DYNC2LI1: variants seen among roughly 807,000 people sequenced by gnomAD.
DYNC2LI1 encodes cytoplasmic dynein 2 light intermediate chain 1.
Under a neutral mutation model 51.9 loss-of-function variants are expected in DYNC2LI1, and 45 were observed. The ratio of observed to expected loss-of-function variants is 0.87; its 90% CI spans 0.68 to 1.11. DYNC2LI1 has a LOEUF of 1.11. Among genes scored for constraint, DYNC2LI1 ranks in the 50% most tolerant of loss-of-function variants. DYNC2LI1 has a pLI of 0.00. For missense variants in DYNC2LI1, 490 were observed against 417.4 expected (o/e 1.17, Z -1.51); for synonymous variants, 130 against 137.8 (o/e 0.94, Z 0.40).
In DYNC2LI1 at chr2:43,789,152, G is replaced by A. The variant is rs149710514; in HGVS notation, c.232-481G>A. Among the ~76,000 whole-genome samples, 352 of 152,274 alleles carry A rather than the reference G, an allele frequency of 2.3e-3. 1 individual carries two copies. The highest frequency in any genetic ancestry group is 8.1e-3 in the African/African-American group (336 of 41,556). ...GTAATCTTGATCCGCAGCCAGGATT[G>A]CCATTTGTTTGTCCCTTTTCTTCAT... On this transcript the variant is annotated intron_variant, in intron 4 of 12. Transcript: ENST00000260605.
At chr2:43,790,036 G>T (rs1007724967) in intron 5 of DYNC2LI1, among the ~76,000 whole-genome samples, 1 of 152,160 alleles carries the variant, frequency 6.6e-6, no homozygotes, top group Non-Finnish European at 1.5e-5. Context: ...AATTTGAAAA[G>T]CCTAATTCTT....
At chr2:43,791,970 G>C (rs1673814526) in intron 5 of DYNC2LI1, among the ~76,000 whole-genome samples, 1 of 151,916 alleles carries the variant, frequency 6.6e-6, no homozygotes, top group Non-Finnish European at 1.5e-5. Flanking sequence ...GAAAAAATTT[G>C]AGTAATTTAT....
intron 3 of DYNC2LI1, among the ~76,000 whole-genome samples, chr2:43,784,280 C>G (rs1302883219): frequency 1.3e-5 from 2 of 152,148 alleles, no homozygotes; most frequent in Non-Finnish European, 2.9e-5. Context: ...GAGGAACTAT[C>G]AACAGTAACA....
At chr2:43,810,127 G>A (rs545613360), downstream of DYNC2LI1, 122 of 359,716 alleles carry the variant, frequency 3.4e-4, no homozygotes, top group Non-Finnish European at 4.4e-4. Flanking sequence ...AAGTGCCCAC[G>A]TTAGACACAT....
intron 4 of DYNC2LI1, among the ~76,000 whole-genome samples, chr2:43,787,993 A>C (rs1673601825): frequency 6.6e-6 from 1 of 152,218 alleles, no homozygotes; most frequent in Non-Finnish European, 1.5e-5. Flanking sequence ...CACCAATGAA[A>C]GTGGGTTATT....
rs561560406 is a variant in DYNC2LI1 at position 43,798,667 on chromosome 2, C to G, written c.654+1872C>G. On this transcript the variant is annotated intron_variant, in intron 8 of 12. Coordinates refer to ENST00000260605, the MANE Select transcript of DYNC2LI1 (RefSeq NM_016008.4). ...TGGGATTAACCATGGCCCAGGAGAT[C>G]AAACAAGATCAGGGACCAGGGAATG... is the stretch of plus-strand genomic sequence containing the variant. Among the ~76,000 whole-genome samples, 140 of 152,298 alleles carry G rather than the reference C, an allele frequency of 9.2e-4. 1 individual carries two copies. Among genetic ancestry groups the G allele is most frequent in the African/African-American group, 3.2e-3 (133 of 41,564 alleles).
At chr2:43,823,965 G>T in the DYNC2LI1 span, 2 of 1,614,190 alleles carry the variant, frequency 1.2e-6, no homozygotes, top group Non-Finnish European at 1.7e-6. Flanking sequence ...CCACAAACTG[G>T]TAAAGGAGAC....
chr2:43,788,041 G>C (rs895900283), intron 4 of DYNC2LI1, among the ~76,000 whole-genome samples: 1 of 152,120 alleles, frequency 6.6e-6, no homozygotes, highest in Non-Finnish European at 1.5e-5. Flanking sequence ...AATATATAGA[G>C]ATACAGGAGA....
chr2:43,783,134 T>A (rs1180419153), intron 2 of DYNC2LI1, among the ~76,000 whole-genome samples: 1 of 152,234 alleles, frequency 6.6e-6, no homozygotes, highest in Non-Finnish European at 1.5e-5. Flanking sequence ...TTTTTCTTTA[T>A]TTCCACTTCA....
chr2:43,794,242 C>T, intron 5 of DYNC2LI1: 1 of 429,678 alleles, frequency 2.3e-6, no homozygotes, highest in Non-Finnish European at 4.1e-6. Flanking sequence ...AACTTAGTTC[C>T]ACTATTGTAA....
At chr2:43,778,454 A>T (rs1225035150) in intron 2 of DYNC2LI1, among the ~76,000 whole-genome samples, 2 of 152,148 alleles carry the variant, frequency 1.3e-5, no homozygotes, top group African/African-American at 4.8e-5. Flanking sequence ...GCCCCTGGCT[A>T]CGCATTATTT....
At chr2:43,818,041 C>A in the DYNC2LI1 span, among the ~76,000 whole-genome samples, 1 of 152,184 alleles carries the variant, frequency 6.6e-6, no homozygotes, top group African/African-American at 2.4e-5. Context: ...TCATCTAACA[C>A]AAAGCCTATT....
At chr2:43,828,313 G>C in the DYNC2LI1 span, 2 of 708,596 alleles carry the variant, frequency 2.8e-6, no homozygotes, top group Non-Finnish European at 4.7e-6. Context: ...ACATGTGTCA[G>C]ATTTAAATAA....
chr2:43,814,519 T>A, downstream of DYNC2LI1: 2 of 1,609,512 alleles, frequency 1.2e-6, no homozygotes, highest in Non-Finnish European at 1.7e-6. Flanking sequence ...ACTACAAGAA[T>A]CTCACTGCAA....
At chr2:43,828,288 G>A in the DYNC2LI1 span, 11 of 865,402 alleles carry the variant, frequency 1.3e-5, no homozygotes, top group East Asian at 5.3e-5. Flanking sequence ...GATCCAATTC[G>A]GCTTAAATCG....
chr2:43,780,089 G>A (rs1488977752), intron 2 of DYNC2LI1, among the ~76,000 whole-genome samples: 5 of 152,232 alleles, frequency 3.3e-5, no homozygotes, highest in Admixed American at 1.3e-4. Flanking sequence ...GCGACTGTTA[G>A]TGGGGGGAAG....
chr2:43,792,880 C>T (rs1345727923), intron 5 of DYNC2LI1: 2 of 1,364,988 alleles, frequency 1.5e-6, no homozygotes, highest in African/African-American at 3.0e-5. Context: ...ACAAATACCA[C>T]AGTTCAGTTA....
the DYNC2LI1 span, among the ~76,000 whole-genome samples, chr2:43,818,870 T>C: frequency 6.6e-6 from 1 of 152,210 alleles, no homozygotes; most frequent in Non-Finnish European, 1.5e-5. Flanking sequence ...GCTGAAATAG[T>C]GATCTCTTTT....
At chr2:43,813,314 C>T (rs1240428201), downstream of DYNC2LI1, 4 of 1,602,070 alleles carry the variant, frequency 2.5e-6, no homozygotes, top group East Asian at 2.2e-5. Context: ...AGCTGCCTGT[C>T]AAGGAAAAGA....
Sources: allele counts gnomAD v4.1 joint callset (sites outside exome capture counted in the v4.1 genomes callset), GRCh38; gene constraint gnomAD v4.1.1; transcripts MANE v1.5; gene names NCBI Gene and HGNC (gene_info 2026-07-23, HGNC 2026-07-21).